The following KANSL1L variants were observed in gnomAD, a reference collection of about 807,000 sequenced individuals.
The protein encoded by KANSL1L is KAT8 regulatory NSL complex subunit 1-like protein.
KANSL1L carries 25 observed loss-of-function variants against 108.6 expected under a neutral mutation model. That is an observed-to-expected ratio of 0.23 (90% confidence interval 0.17 to 0.32). The LOEUF is 0.32. KANSL1L is among the 10% of genes least tolerant of loss of function. The pLI is 1.00. For missense variants in KANSL1L, 1,137 were observed against 1,125.7 expected, an observed-to-expected ratio of 1.01 and a Z score of -0.14; for synonymous variants, 405 against 395.1, an observed-to-expected ratio of 1.03 and a Z score of -0.30.
chr2:210,035,561 G>A (rs1037169258), intron 8 of KANSL1L, among the ~76,000 whole-genome samples: 4 of 151,980 alleles, frequency 2.6e-5, no homozygotes, highest in Non-Finnish European at 4.4e-5. Context: ...CTCACTACAC[G>A]TCTGCCTCCT....
chr2:210,040,427 T>C lies in KANSL1L; in HGVS notation c.2022A>G (p.Pro674=), dbSNP rs2094151951. The C allele has an allele frequency of 7.2e-7, 1 of 1,390,870 alleles. No individual in the cohort carries two copies. Among genetic ancestry groups the C allele is most frequent in the Non-Finnish European group, 1.0e-6 (1 of 978,886 alleles). 86.2% of individuals were successfully genotyped at this position (1,390,870 alleles called of 1,614,324 possible). A position where few individuals can be genotyped will look rare whatever the true frequency, so the allele number is the denominator to read the frequency against. ...NKFVDEYIIS[P]SPVHSTLNQW... is the part of the protein sequence containing the mutation. ...ACTGTAAATGTGACATACCAGGTGA[T>C]GGAGATATGATATATTCATCTACAA... is the stretch of plus-strand genomic sequence containing the variant. The change falls in exon 8 of 15, where the codon CCA becomes CCG. Residue 674 remains proline, a synonymous_variant. Transcript: ENST00000281772.
At chr2:210,127,090 C>G (rs956538999) in intron 3 of KANSL1L, among the ~76,000 whole-genome samples, 1 of 151,982 alleles carries the variant, frequency 6.6e-6, no homozygotes, top group Non-Finnish European at 1.5e-5. Context: ...CAATGTGGTA[C>G]TGGCATAAAG....
In KANSL1L at chr2:210,133,983, T is replaced by G. The variant is rs549796203; in HGVS notation, c.1089-4811A>C. ...CGTGTATACTGACAACTTCTCTCTA[T>G]TTTTGCTTATCTGGAAATGTCATTT... On this transcript the variant is annotated intron_variant, in intron 2 of 14. Transcript: ENST00000281772. Among the ~76,000 whole-genome samples the G allele has an allele frequency of 1.7e-4, 26 of 152,262 alleles. No homozygotes were observed. In the East Asian group the frequency reaches 4.8e-3, roughly 28 times the overall value.
intron 5 of KANSL1L, among the ~76,000 whole-genome samples, chr2:210,091,260 G>A (rs979410838): frequency 4.6e-5 from 7 of 152,148 alleles, no homozygotes; most frequent in African/African-American, 1.2e-4. Flanking sequence ...TTTGTTCATA[G>A]GTTTAGGATG....
At chr2:210,161,930 T>C (rs2125673970) in intron 1 of KANSL1L, among the ~76,000 whole-genome samples, 1 of 151,760 alleles carries the variant, frequency 6.6e-6, no homozygotes, top group Non-Finnish European at 1.5e-5. Context: ...TATATATTTA[T>C]GGGGTAGATG....
At chr2:210,121,683 G>T (rs931769478) in intron 3 of KANSL1L, among the ~76,000 whole-genome samples, 2 of 151,980 alleles carry the variant, frequency 1.3e-5, no homozygotes, top group African/African-American at 4.8e-5. Context: ...AAAACTTTTT[G>T]GGGGGCAAAT....
At chr2:210,116,704 G>A (rs1244056160) in intron 3 of KANSL1L, among the ~76,000 whole-genome samples, 1 of 152,210 alleles carries the variant, frequency 6.6e-6, no homozygotes, top group Non-Finnish European at 1.5e-5. Flanking sequence ...TATGACTGCA[G>A]TGACCAATGA....
rs187895761 is a variant in KANSL1L, at chr2:210,160,972, G to A, written c.-29-6361C>T. On this transcript the variant is annotated intron_variant, in intron 1 of 14. Transcript: ENST00000281772. ...AAACAGAGCTCAGGAACAGACCCAC[G>A]CACATACGGCCAATTTTTTTTTTTT... Among the ~76,000 whole-genome samples, 363 of 150,100 alleles carry A rather than the reference G, an allele frequency of 2.4e-3. 3 individuals are homozygous for A. Among genetic ancestry groups the A allele is most frequent in the Middle Eastern group, 6.9e-3 (2 of 288 alleles).
At chr2:210,097,561 A>G (rs1006893455) in intron 5 of KANSL1L, 6 of 152,996 alleles carry the variant, frequency 3.9e-5, no homozygotes, top group Non-Finnish European at 8.7e-5. Context: ...CATAGTGTAT[A>G]TATTTTTGCT....
intron 4 of KANSL1L, 66 bp from the exon 5 acceptor site, chr2:210,098,273 T>C: frequency 1.4e-6 from 2 of 1,457,986 alleles, no homozygotes; most frequent in Non-Finnish European, 1.9e-6. Context: ...CTCAGATGCA[T>C]AGTGCCAATT....
intron 3 of KANSL1L, among the ~76,000 whole-genome samples, chr2:210,126,224 A>T (rs1267078929): frequency 2.0e-5 from 3 of 152,242 alleles, no homozygotes; most frequent in Non-Finnish European, 4.4e-5. Flanking sequence ...AGCATCAAAA[A>T]GAATAAAACA....
chr2:210,022,597 G>T lies in KANSL1L; in HGVS notation c.*352C>A. 5.2e-6 allele frequency: 1 copy of T among 191,032 alleles called. No homozygotes were observed. The highest frequency in any genetic ancestry group is 1.1e-5 in the Non-Finnish European group (1 of 92,184). 11.8% of individuals were successfully genotyped at this position (191,032 alleles called of 1,614,324 possible). A position where few individuals can be genotyped will look rare whatever the true frequency, so the allele number is the denominator to read the frequency against. ...AAAAATAGCTGTCACTTGGCACACA[G>T]GTTTGTATGTATGTGTATATATATA... On this transcript the variant is annotated 3_prime_UTR_variant, in exon 15 of 15. Transcript: ENST00000281772.
At chr2:210,117,335 A>G (rs1449438570) in intron 3 of KANSL1L, among the ~76,000 whole-genome samples, 1 of 152,220 alleles carries the variant, frequency 6.6e-6, no homozygotes. Flanking sequence ...GTATATTCAA[A>G]TGGATAATAA....
At chr2:210,105,743 T>A (rs2094841200) in intron 3 of KANSL1L, among the ~76,000 whole-genome samples, 1 of 152,070 alleles carries the variant, frequency 6.6e-6, no homozygotes, top group African/African-American at 2.4e-5. Flanking sequence ...ATGCGCTTTT[T>A]AAAAAAATCT....
chr2:210,117,007 T>C (rs1287406407), intron 3 of KANSL1L, among the ~76,000 whole-genome samples: 1 of 152,056 alleles, frequency 6.6e-6, no homozygotes, highest in African/African-American at 2.4e-5. Flanking sequence ...CAAGAAGGAA[T>C]TCAGAATCCT....
At chr2:210,166,540 C>T (rs1399859358) in intron 1 of KANSL1L, among the ~76,000 whole-genome samples, 1 of 152,074 alleles carries the variant, frequency 6.6e-6, no homozygotes, top group Non-Finnish European at 1.5e-5. Flanking sequence ...ATTCCTATCC[C>T]CTAAAATACT....
rs537035853 is a variant in KANSL1L at position 210,120,313 on chromosome 2, A to G, written c.1230+8718T>C. ...AGGCTGAGGCAGGAGAATTGCTAGA[A>G]GCCAGGAGGCGGAGGTTGCAGTGAG... On this transcript the variant is annotated intron_variant, in intron 3 of 14. Transcript: ENST00000281772. Among the ~76,000 whole-genome samples, 4 of 152,324 alleles carry G rather than the reference A, an allele frequency of 2.6e-5. No homozygotes were observed. In the South Asian group the frequency reaches 6.2e-4, roughly 24 times the overall value.
In KANSL1L at chr2:210,108,102, A is replaced by G. The variant is rs531501676; in HGVS notation, c.1231-3801T>C. On this transcript the variant is annotated intron_variant, in intron 3 of 14. Coordinates refer to ENST00000281772, the MANE Select transcript of KANSL1L (RefSeq NM_152519.4). ...TTTTCTTACAATAACTCAAGAAGCT[A>G]TAAGAGCAAGGAAAGTGATGTTTTT... Among the ~76,000 whole-genome samples the G allele has an allele frequency of 3.9e-5, 6 of 152,322 alleles. No homozygotes were observed. In the South Asian group the frequency reaches 6.2e-4, roughly 16 times the overall value.
chr2:210,153,838 G>A lies in KANSL1L; in HGVS notation c.745C>T (p.Leu249=), dbSNP rs552196561. The change falls in exon 2 of 15, where the codon CTG becomes TTG. Residue 249 remains leucine, a synonymous_variant. Transcript: ENST00000281772. ...RRTQKHLQML[L]AKHVVKHYGQ... is the part of the protein sequence containing the mutation. The stretch of plus-strand genomic sequence containing the variant: ...TAGTGCTTAACAACATGCTTTGCCA[G>A]GAGCATCTGCAAATGTTTCTGAGTT... The A allele has an allele frequency of 6.2e-7, 1 of 1,612,682 alleles. No individual in the cohort carries two copies. Among genetic ancestry groups the A allele is most frequent in the Non-Finnish European group, 8.5e-7 (1 of 1,179,652 alleles).
Sources: allele counts gnomAD v4.1 joint callset (sites outside exome capture counted in the v4.1 genomes callset), GRCh38; gene constraint gnomAD v4.1.1; transcripts MANE v1.5; gene names NCBI Gene and HGNC (gene_info 2026-07-23, HGNC 2026-07-21).